RYR2: variants seen among roughly 807,000 people sequenced by gnomAD.
RYR2 encodes cardiac muscle ryanodine receptor-calcium release channel.
RYR2 carries 227 observed loss-of-function variants against 601.1 expected under a neutral mutation model. The observed-to-expected ratio is 0.38, with a 90% confidence interval of 0.34 to 0.42. RYR2 has a LOEUF of 0.42. RYR2 is among the 10% of genes least tolerant of loss of function. RYR2 has a pLI of 1.00. For synonymous variants in RYR2, 2,223 were observed against 2,175.1 expected (o/e 1.02, Z -0.61); for missense variants, 4,646 against 6,156.5 (o/e 0.75, Z 8.21).
chr1:237,158,278 G>A (rs1221336122), intron 1 of RYR2, among the ~76,000 whole-genome samples: 2 of 152,106 alleles, frequency 1.3e-5, no homozygotes. Context: ...TGGGGATCAG[G>A]GAAGGTTTGT....
intron 44 of RYR2, among the ~76,000 whole-genome samples, chr1:237,637,572 GA>G (rs903739105): frequency 1.3e-5 from 2 of 152,154 alleles, no homozygotes; most frequent in African/African-American, 4.8e-5. Context: ...TTGAACCAAG[GA>G]TGTTTGACTG....
intron 46 of RYR2, among the ~76,000 whole-genome samples, chr1:237,639,446 G>T (rs1681223760): frequency 6.6e-6 from 1 of 152,148 alleles, no homozygotes; most frequent in Non-Finnish European, 1.5e-5. Flanking sequence ...TGTAGAAGAT[G>T]CATCTTATGA....
intron 1 of RYR2, among the ~76,000 whole-genome samples, chr1:237,149,731 T>A (rs866892424): frequency 2.3e-4 from 35 of 152,382 alleles, no homozygotes; most frequent in African/African-American, 7.7e-4. Context: ...CATTGGAACA[T>A]TAAGATATTT....
chr1:237,292,437 C>T (rs2149424567), intron 2 of RYR2, among the ~76,000 whole-genome samples: 1 of 152,258 alleles, frequency 6.6e-6, no homozygotes, highest in East Asian at 1.9e-4. Context: ...TCATTAGTGG[C>T]TCCTACTTCA....
At chr1:237,513,162 C>G (rs1325593475) in intron 24 of RYR2, among the ~76,000 whole-genome samples, 1 of 152,180 alleles carries the variant, frequency 6.6e-6, no homozygotes, top group Non-Finnish European at 1.5e-5. Context: ...GACTTTGCCC[C>G]TTACCTTTGC....
intron 13 of RYR2, among the ~76,000 whole-genome samples, chr1:237,444,161 G>A (rs1352318253): frequency 6.6e-6 from 1 of 152,004 alleles, no homozygotes; most frequent in Non-Finnish European, 1.5e-5. Flanking sequence ...TGAGAGCTTT[G>A]TTTTATTTAT....
At chr1:237,377,542 T>C in intron 8 of RYR2, 107 bp downstream of exon 8, 1 of 776,962 alleles carries the variant, frequency 1.3e-6, no homozygotes, top group Non-Finnish European at 2.1e-6. Flanking sequence ...AAATTGCTTA[T>C]AACCATTCCT....
At chr1:237,576,833 A>G (rs2779417) in intron 29 of RYR2, among the ~76,000 whole-genome samples, 93,254 of 152,088 alleles carry the variant, frequency 0.61, 30,233 homozygotes, top group Non-Finnish European at 0.71. Flanking sequence ...CATAGAAGCA[A>G]CAACTCAGAG....
rs35773659 is a variant in RYR2 at position 237,125,423 on chromosome 1, T to TAAA, written c.48+82867_48+82869dup. ...GATGACTTAACAAAAGCTGTTTTGC[T>TAAA]AAAAAAAAAAAAAAAGCAGACTTAT... On this transcript the variant is annotated intron_variant, in intron 1 of 104. Transcript: ENST00000366574. 6.1e-5 allele frequency among the ~76,000 whole-genome samples: 8 copies of TAAA among 130,156 alleles called. No individual in the cohort carries two copies. The East Asian group carries it at 6.7e-4, about 11-fold the overall frequency. The allele number at this position is 130,156 out of a possible 152,430, so 85.4% of individuals were successfully genotyped here. A position where few individuals can be genotyped will look rare whatever the true frequency, so the allele number is the denominator to read the frequency against.
At chr1:237,234,749 G>T (rs562685905) in intron 1 of RYR2, among the ~76,000 whole-genome samples, 14 of 152,244 alleles carry the variant, frequency 9.2e-5, no homozygotes, top group African/African-American at 3.4e-4. Flanking sequence ...AGAAATTAAG[G>T]TATAATACTT....
intron 1 of RYR2, among the ~76,000 whole-genome samples, chr1:237,066,647 T>A (rs1374804347): frequency 2.0e-5 from 3 of 151,970 alleles, no homozygotes; most frequent in Non-Finnish European, 4.4e-5. Context: ...CTTTCTTTTT[T>A]TTTTTTTTCT....
At chr1:237,676,342 A>G (rs1412330452) in intron 60 of RYR2, among the ~76,000 whole-genome samples, 1 of 152,208 alleles carries the variant, frequency 6.6e-6, no homozygotes, top group African/African-American at 2.4e-5. Flanking sequence ...TAAACTACCT[A>G]CTACAGTTTT....
chr1:237,828,933 C>T (rs972652403), intron 102 of RYR2, among the ~76,000 whole-genome samples: 1 of 152,100 alleles, frequency 6.6e-6, no homozygotes, highest in African/African-American at 2.4e-5. Context: ...ACCTCCCAAC[C>T]CCTTCTCCCA....
At chr1:237,144,963 T>A (rs546182403) in intron 1 of RYR2, among the ~76,000 whole-genome samples, 1 of 152,244 alleles carries the variant, frequency 6.6e-6, no homozygotes, top group Admixed American at 6.5e-5. Flanking sequence ...CTATACATGA[T>A]TCCCTGGCCA....
chr1:237,723,812 T>G (rs540719844), intron 74 of RYR2, among the ~76,000 whole-genome samples: 8 of 152,256 alleles, frequency 5.3e-5, no homozygotes, highest in Non-Finnish European at 1.0e-4. Flanking sequence ...AGTGTTTTTA[T>G]ATATTTTTTC....
At chr1:237,544,416 T>G (rs1669594379) in intron 25 of RYR2, among the ~76,000 whole-genome samples, 1 of 152,202 alleles carries the variant, frequency 6.6e-6, no homozygotes, top group Non-Finnish European at 1.5e-5. Context: ...ATGAGCTATA[T>G]GTTTTTTGTA....
intron 66 of RYR2, among the ~76,000 whole-genome samples, chr1:237,703,865 T>G (rs1688156678): frequency 6.6e-6 from 1 of 152,084 alleles, no homozygotes; most frequent in Non-Finnish European, 1.5e-5. Flanking sequence ...ATTGTTTGTA[T>G]CCTAAATATT....
rs1658569816 is a variant in RYR2 at position 237,454,499 on chromosome 1, T to A, written c.1401T>A (p.Asp467Glu). ...TCATTGGCTACTTCCACCCCCCAGA[T>A]GAGCATTTAGAGCATGAAGACAAAC... ...QDLIGYFHPP[D>E]EHLEHEDKQN... The change falls in exon 15 of 105, where the codon GAT becomes GAA. Residue 467 changes from aspartate to glutamate, a missense_variant. Coordinates refer to ENST00000366574, the MANE Select transcript of RYR2 (RefSeq NM_001035.3). 6.2e-7 allele frequency: 1 copy of A among 1,613,514 alleles called. No individual in the cohort carries two copies. The highest frequency in any genetic ancestry group is 8.5e-7 in the Non-Finnish European group (1 of 1,179,648).
intron 80 of RYR2, chr1:237,743,454 T>G (rs959382588): frequency 3.8e-6 from 1 of 261,204 alleles, no homozygotes; most frequent in Non-Finnish European, 8.0e-6. Context: ...TCATCTTTAT[T>G]GATAAGAAAG....
Sources: gnomAD v4.1 joint callset for allele counts (sites outside exome capture counted in the v4.1 genomes callset) on GRCh38, gnomAD v4.1.1 for gene constraint, MANE v1.5 for transcripts, NCBI Gene and HGNC (gene_info 2026-07-23, HGNC 2026-07-21) for gene names.